Variants in FARP2 observed in about 807,000 individuals in gnomAD.
The protein encoded by FARP2 is FERM, ARH/RhoGEF and pleckstrin domain protein 2.
Under a neutral mutation model 130.5 loss-of-function variants are expected in FARP2, and 111 were observed. That is an observed-to-expected ratio of 0.85 (90% confidence interval 0.73 to 1.00). The LOEUF is 1.00. FARP2 is among the 50% of genes least tolerant of loss of function. The pLI is 0.00. For missense variants in FARP2, 1,385 were observed against 1,346.3 expected, an observed-to-expected ratio of 1.03 and a Z score of -0.45; for synonymous variants, 504 against 516.9, an observed-to-expected ratio of 0.98 and a Z score of 0.34.
At chr2:241,395,995 C>G (rs1188526413) in intron 2 of FARP2, 1 of 152,062 alleles carries the variant, frequency 6.6e-6, no homozygotes, top group Non-Finnish European at 1.5e-5. Context: ...ATGTTTAGTA[C>G]TTTAAAAATG....
In FARP2 at chr2:241,385,370, T is replaced by A. The variant is rs572514469; in HGVS notation, c.183+12080T>A. ...ATTGTATGTTTTCTACCTTAGAAAATTTTTTAATATATTTCTTAAATTATA... is the reference window on the plus strand; with the variant it reads ...ATTGTATGTTTTCTACCTTAGAAAAATTTTTAATATATTTCTTAAATTATA... On this transcript the variant is annotated intron_variant, in intron 2 of 26. Transcript: ENST00000264042. Among the ~76,000 whole-genome samples the A allele has an allele frequency of 1.5e-4, 23 of 152,184 alleles. No individual in the cohort carries two copies. In the East Asian group the frequency reaches 2.5e-3, roughly 17 times the overall value.
intron 8 of FARP2, among the ~76,000 whole-genome samples, chr2:241,420,084 G>A (rs1296192198): frequency 6.6e-6 from 1 of 152,208 alleles, no homozygotes; most frequent in Non-Finnish European, 1.5e-5. Flanking sequence ...CCAGGAGGTC[G>A]AGGCTACAGT....
chr2:241,413,027 CA>C (rs1171805801), intron 6 of FARP2, among the ~76,000 whole-genome samples: 2 of 152,154 alleles, frequency 1.3e-5, no homozygotes, highest in African/African-American at 4.8e-5. Flanking sequence ...GACCTTGTGT[CA>C]AAATAATAAT....
At chr2:241,439,796 T>G (rs2063335652) in intron 12 of FARP2, among the ~76,000 whole-genome samples, 1 of 151,938 alleles carries the variant, frequency 6.6e-6, no homozygotes, top group African/African-American at 2.4e-5. Flanking sequence ...ACCCCAGGTT[T>G]AATAAAATAC....
chr2:241,411,673 G>T (rs1176088251), intron 6 of FARP2, among the ~76,000 whole-genome samples: 2 of 152,182 alleles, frequency 1.3e-5, no homozygotes, highest in Non-Finnish European at 2.9e-5. Context: ...CCCCAGCGAT[G>T]GGAATAGAAA....
At chr2:241,358,991 G>A (rs1316415307) in intron 1 of FARP2, among the ~76,000 whole-genome samples, 1 of 152,146 alleles carries the variant, frequency 6.6e-6, no homozygotes, top group Non-Finnish European at 1.5e-5. Flanking sequence ...GTGTCAGTAG[G>A]GTAGAGTACT....
intron 8 of FARP2, among the ~76,000 whole-genome samples, chr2:241,429,838 C>G (rs141133303): frequency 1.3e-5 from 2 of 152,304 alleles, no homozygotes; most frequent in African/African-American, 4.8e-5. Flanking sequence ...TTCCCAGCTG[C>G]TCCAGAGGCT....
chr2:241,443,077 C>T lies in FARP2; in HGVS notation c.1411+1521C>T, dbSNP rs533241049. ...GCCTCCTGTGTGCTGTGGTCAAACT[C>T]GTGGGACTCTGAGACCCTAAGGCCC... is the stretch of plus-strand genomic sequence containing the variant. On this transcript the variant is annotated intron_variant, in intron 13 of 26. Coordinates refer to ENST00000264042, the MANE Select transcript of FARP2 (RefSeq NM_014808.4). 13 of 238,586 alleles carry T rather than the reference C, an allele frequency of 5.4e-5. No homozygotes were observed. The East Asian group carries it at 5.8e-4, about 11-fold the overall frequency. 14.8% of individuals were successfully genotyped at this position (238,586 alleles called of 1,614,324 possible).
chr2:241,390,715 A>G (rs995734796), intron 2 of FARP2, among the ~76,000 whole-genome samples: 22 of 151,974 alleles, frequency 1.4e-4, no homozygotes, highest in Admixed American at 3.9e-4. Flanking sequence ...TAATTTTTAT[A>G]CAAAGGCAAT....
intron 14 of FARP2, among the ~76,000 whole-genome samples, chr2:241,461,975 T>G (rs2064032835): frequency 6.6e-6 from 1 of 152,176 alleles, no homozygotes; most frequent in African/African-American, 2.4e-5. Flanking sequence ...CCAGCTTGCC[T>G]GCTTGGCACC....
At chr2:241,363,046 G>A (rs546371040) in intron 1 of FARP2, among the ~76,000 whole-genome samples, 4 of 152,176 alleles carry the variant, frequency 2.6e-5, no homozygotes, top group Non-Finnish European at 4.4e-5. Context: ...ACAAGTAAAC[G>A]GTAACAGGCG....
chr2:241,373,204 C>T lies in FARP2; in HGVS notation c.97C>T (p.Gln33Ter). 6.3e-7 allele frequency: 1 copy of T among 1,581,738 alleles called. No individual in the cohort carries two copies. Among genetic ancestry groups the T allele is most frequent in the South Asian group, 1.1e-5 (1 of 87,686 alleles). ...PVGVSTLEPGQTLLPRMQEKH... is the reference protein window; with the variant it reads ...PVGVSTLEPG ...GGGAGTTAGCACCCTTGAGCCTGGG[C>T]AGACTCTCTTGCCCAGAATGCAAGA... Residue 33 changes from glutamine (Q) to a stop codon, truncating the protein, a stop_gained, in exon 2 of 27, where the codon CAG becomes TAG. Transcript: ENST00000264042. LOFTEE classifies it high-confidence loss of function.
intron 11 of FARP2, 63 bp downstream of exon 11, chr2:241,435,093 T>C (rs1316558450): frequency 5.8e-6 from 5 of 856,452 alleles, no homozygotes; most frequent in Non-Finnish European, 9.1e-6. Context: ...AATATATATA[T>C]GGAGAGAGAG....
In FARP2 at chr2:241,468,278, C is replaced by T. The variant is rs531655505; in HGVS notation, c.2032C>T (p.Leu678=). ...CTGCTACTTGCCTCTCAACACGTTC[C>T]TGCTGAAGCCCATCCAGCGGCTGCT... The part of the protein sequence containing the change: ...KVCYLPLNTF[L]LKPIQRLLHY... Residue 678 remains leucine, a synonymous_variant, in exon 18 of 27, where the codon CTG becomes TTG. Coordinates refer to ENST00000264042, the MANE Select transcript of FARP2 (RefSeq NM_014808.4). The T allele has an allele frequency of 1.2e-6, 2 of 1,613,956 alleles. No homozygotes were observed. The highest frequency in any genetic ancestry group is 4.5e-5 in the East Asian group (2 of 44,884).
At chr2:241,470,813 G>A (rs1387380089) in intron 18 of FARP2, among the ~76,000 whole-genome samples, 3 of 149,066 alleles carry the variant, frequency 2.0e-5, no homozygotes, top group Admixed American at 6.8e-5. Context: ...TGTGCTGTGG[G>A]GACTCTGCTC....
chr2:241,463,505 C>T (rs376929331), intron 16 of FARP2, 37 bp downstream of exon 16: 2 of 1,598,278 alleles, frequency 1.3e-6, no homozygotes, highest in African/African-American at 2.7e-5. Context: ...GAGACTCCCA[C>T]ACCAACTCAT....
chr2:241,357,750 C>T (rs754528875), intron 1 of FARP2, among the ~76,000 whole-genome samples: 48 of 152,212 alleles, frequency 3.2e-4, no homozygotes, highest in Non-Finnish European at 6.2e-4. Flanking sequence ...GTTTCCTGGA[C>T]TGCAGACGTT....
intron 21 of FARP2, 43 bp downstream of exon 21, chr2:241,484,374 G>A (rs761566336): frequency 1.3e-6 from 2 of 1,535,012 alleles, no homozygotes; most frequent in Non-Finnish European, 1.8e-6. Context: ...ACGTGGTGCT[G>A]GGCTGGGCCC....
intron 5 of FARP2, among the ~76,000 whole-genome samples, chr2:241,408,979 CA>C (rs202170179): frequency 1.4e-5 from 2 of 146,056 alleles, no homozygotes; most frequent in Admixed American, 6.8e-5. Context: ...TGACATTTAC[CA>C]AAAAAAAAGT....
Sources: allele counts gnomAD v4.1 joint callset (sites outside exome capture counted in the v4.1 genomes callset), GRCh38; gene constraint gnomAD v4.1.1; transcripts MANE v1.5; gene names NCBI Gene and HGNC (gene_info 2026-07-23, HGNC 2026-07-21).